The following HMCN2 variants were observed in gnomAD, a reference collection of about 807,000 sequenced individuals.
HMCN2 encodes hemicentin-2.
Under a neutral mutation model 377.5 loss-of-function variants are expected in HMCN2, and 325 were observed. The ratio of observed to expected loss-of-function variants is 0.86; its 90% CI spans 0.79 to 0.94. The LOEUF (loss-of-function observed/expected upper bound fraction) is 0.94, where lower values mean the gene tolerates loss of function less well. Among genes scored for constraint, HMCN2 ranks in the 40% least tolerant of loss-of-function variants. HMCN2 has a pLI of 0.00. For missense variants in HMCN2, 4,543 were observed against 4,725.3 expected (o/e 0.96, Z 1.13); for synonymous variants, 2,007 against 2,046.8 (o/e 0.98, Z 0.53).
intron 1 of HMCN2, among the ~76,000 whole-genome samples, chr9:130,266,623 G>A (rs1385856528): frequency 2.0e-5 from 3 of 152,200 alleles, no homozygotes; most frequent in Non-Finnish European, 4.4e-5. Flanking sequence ...GACGAAATGG[G>A]GTCCACCACG....
At chr9:130,365,122 A>T (rs1213739525) in intron 41 of HMCN2, among the ~76,000 whole-genome samples, 1 of 151,978 alleles carries the variant, frequency 6.6e-6, no homozygotes, top group Non-Finnish European at 1.5e-5. Context: ...CCACCCCCCT[A>T]CACCTTGTGA....
At chr9:130,279,389 A>G (rs1554924824) in intron 1 of HMCN2, among the ~76,000 whole-genome samples, 2 of 151,078 alleles carry the variant, frequency 1.3e-5, no homozygotes, top group Admixed American at 6.6e-5. Context: ...GTCTCGCTCT[A>G]TCACCCAGGC....
At position 130,424,841 on chromosome 9, in the gene HMCN2, G is replaced by C; in HGVS notation, c.13447G>C (p.Gly4483Arg). 1 of 1,505,570 alleles carries C rather than the reference G, an allele frequency of 6.6e-7. No individual in the cohort carries two copies. Among genetic ancestry groups the C allele is most frequent in the Non-Finnish European group, 8.9e-7 (1 of 1,122,082 alleles). 93.3% of individuals were successfully genotyped at this position (1,505,570 alleles called of 1,614,324 possible). ...CTACTGGGCCCTGGCCAGAGAGAGT[G>C]GGGAAGCCCTGAATGGCCACTCTCT... ...PIYWALARES[G>R]EALNGHSLTG... The change falls in exon 88 of 98, where the codon GGG becomes CGG. Residue 4483 changes from glycine to arginine, a missense_variant. By Grantham distance (125) the Gly-to-Arg change is moderately radical. This residue lies in a region of HMCN2 where 1,155 missense variants were observed against 1,157.7 expected (regional missense o/e 1.00). Coordinates refer to ENST00000683500, the MANE Select transcript of HMCN2 (RefSeq NM_001291815.2).
Position 130,382,831 on chromosome 9 carries a change from C to A in HMCN2, c.8698C>A (p.Arg2900=). ...QNGLPFSPSP[R]LQVLEDGQVL... is the part of the protein sequence containing the mutation. ...TGGGCTGCCTTTCTCCCCGAGCCCACGGCTGCAGGTCCTGGAGGACGGGCA... is the reference window on the plus strand; with the variant it reads ...TGGGCTGCCTTTCTCCCCGAGCCCAAGGCTGCAGGTCCTGGAGGACGGGCA... Residue 2900 remains arginine, a synonymous_variant, in exon 56 of 98, where the codon CGG becomes AGG. Coordinates refer to ENST00000683500, the MANE Select transcript of HMCN2 (RefSeq NM_001291815.2). 1 of 985,904 alleles carries A rather than the reference C, an allele frequency of 1.0e-6. No homozygotes were observed. Among genetic ancestry groups the A allele is most frequent in the Middle Eastern group, 5.2e-4 (1 of 1,914 alleles). The allele number at this position is 985,904 out of a possible 1,614,324, so 61.1% of individuals were successfully genotyped here. A position where few individuals can be genotyped will look rare whatever the true frequency, so the allele number is the denominator to read the frequency against.
intron 40 of HMCN2, among the ~76,000 whole-genome samples, chr9:130,364,055 A>G (rs1212338378): frequency 6.6e-6 from 1 of 152,264 alleles, no homozygotes; most frequent in African/African-American, 2.4e-5. Flanking sequence ...GGGAGGTTAT[A>G]GGAAGGATTC....
intron 15 of HMCN2, among the ~76,000 whole-genome samples, chr9:130,313,853 C>T (rs1483110698): frequency 2.8e-5 from 4 of 143,198 alleles, no homozygotes; most frequent in Non-Finnish European, 4.5e-5. Context: ...GATCTTGGCT[C>T]ACTGTAACCT....
At chr9:130,340,333 AG>A (rs1838979481) in intron 23 of HMCN2, among the ~76,000 whole-genome samples, 3 of 152,012 alleles carry the variant, frequency 2.0e-5, no homozygotes, top group South Asian at 4.2e-4. Context: ...GCAGGGCGGG[AG>A]GGGTTGTGAT....
At chr9:130,375,534 A>C (rs1361078109) in intron 49 of HMCN2, 29 bp from the exon 50 acceptor site, 11 of 985,246 alleles carry the variant, frequency 1.1e-5, no homozygotes, top group Non-Finnish European at 1.3e-5. Flanking sequence ...ATCTCTGCTC[A>C]TAACTGCCTC....
rs898117546 is a variant in HMCN2, at chr9:130,278,074, A to G, written c.260-6529A>G. 1.1e-4 allele frequency among the ~76,000 whole-genome samples: 16 copies of G among 151,806 alleles called. 6 individuals carry two copies. Among genetic ancestry groups the G allele is most frequent in the Non-Finnish European group, 1.5e-4 (10 of 67,966 alleles). ...CATTACCACCACCACCACCACCATCATCATCATCACCACCACCACTATCAT... is the reference window on the plus strand; with the variant it reads ...CATTACCACCACCACCACCACCATCGTCATCATCACCACCACCACTATCAT... On this transcript the variant is annotated intron_variant, in intron 1 of 97. Transcript: ENST00000683500.
chr9:130,358,039 G>A, intron 35 of HMCN2, 51 bp downstream of exon 35: 4 of 1,270,408 alleles, frequency 3.1e-6, no homozygotes, highest in Non-Finnish European at 4.1e-6. Flanking sequence ...CAGGTGGAGG[G>A]GCTGCTCTGG....
intron 23 of HMCN2, among the ~76,000 whole-genome samples, chr9:130,339,699 G>A (rs1024176090): frequency 1.1e-4 from 16 of 152,194 alleles, no homozygotes; most frequent in Non-Finnish European, 1.8e-4. Context: ...TGTTTTCAGC[G>A]GTTGTGTGTG....
chr9:130,430,454 C>T lies in HMCN2; in HGVS notation c.14497C>T (p.Pro4833Ser). The change falls in exon 95 of 98, where the codon CCT becomes TCT. Residue 4833 changes from proline (P) to serine (S), a missense_variant. Pro to Ser is a moderately conservative substitution (Grantham distance 74). Transcript: ENST00000683500. The stretch of plus-strand genomic sequence containing the variant: ...TGTGACCACCGTCAGCCACCGAGGC[C>T]CTCTATTGCCCTGGCTGCGGCCCTG... ...QNVTTVSHRGPLLPWLRPWAS... is the reference protein window; with the variant it reads ...QNVTTVSHRGSLLPWLRPWAS... 3 of 1,550,608 alleles carry T rather than the reference C, an allele frequency of 1.9e-6. No homozygotes were observed. Among genetic ancestry groups the T allele is most frequent in the Non-Finnish European group, 2.6e-6 (3 of 1,146,978 alleles).
intron 8 of HMCN2, among the ~76,000 whole-genome samples, chr9:130,300,708 G>A (rs1057437306): frequency 6.6e-6 from 1 of 152,260 alleles, no homozygotes; most frequent in African/African-American, 2.4e-5. Context: ...GCAGGAACAG[G>A]TCACTTTGTC....
intron 75 of HMCN2, 104 bp downstream of exon 75, chr9:130,398,811 T>G: frequency 9.7e-7 from 1 of 1,029,790 alleles, no homozygotes; most frequent in Non-Finnish European, 1.3e-6. Flanking sequence ...TGTGCTCAGG[T>G]CTCACCGGAG....
At position 130,270,716 on chromosome 9, in the gene HMCN2, G is replaced by A. The variant is rs555401829; in HGVS notation, c.259+4579G>A. ...GTTAATAACATCAGCCTTCTGAGTA[G>A]CTGGGACTACAGGTGCACACCACCA... On this transcript the variant is annotated intron_variant, in intron 1 of 97. Coordinates refer to ENST00000683500, the MANE Select transcript of HMCN2 (RefSeq NM_001291815.2). Among the ~76,000 whole-genome samples the A allele has an allele frequency of 1.5e-4, 22 of 149,018 alleles. No homozygotes were observed. The East Asian group carries it at 3.5e-3, about 24-fold the overall frequency.
chr9:130,373,691 A>AGGTAGATG (rs1564828228), intron 48 of HMCN2, among the ~76,000 whole-genome samples: 1 of 54,096 alleles, frequency 1.8e-5, no homozygotes, highest in East Asian at 8.4e-4. Context: ...ATGGATGGAT[A>AGGTAGATG]GATGGATGGA....
chr9:130,270,061 T>G (rs1554920558), intron 1 of HMCN2, among the ~76,000 whole-genome samples: 1 of 148,298 alleles, frequency 6.7e-6, no homozygotes, highest in African/African-American at 2.4e-5. Context: ...TCCACTCACC[T>G]CAGCCTCCCA....
At chr9:130,345,128 T>A (rs1306181118) in intron 25 of HMCN2, among the ~76,000 whole-genome samples, 3 of 150,824 alleles carry the variant, frequency 2.0e-5, no homozygotes, top group Non-Finnish European at 4.4e-5. Flanking sequence ...GTGTGGTGTG[T>A]GGTGTGTGCA....
Position 130,364,718 on chromosome 9 carries a change from C to T in HMCN2, c.6237C>T (p.Pro2079=). Residue 2079 remains proline, a synonymous_variant, in exon 41 of 98, where the codon CCC becomes CCT. Coordinates refer to ENST00000683500, the MANE Select transcript of HMCN2 (RefSeq NM_001291815.2). ...RQDVVLQVHM[P]PSILGEELNV... ...TTCTCCTGCCCCCTCCTGCAGTGCC[C>T]CCGAGTATCCTTGGAGAAGAGCTGA... 3 of 986,194 alleles carry T rather than the reference C, an allele frequency of 3.0e-6. No homozygotes were observed. The highest frequency in any genetic ancestry group is 3.6e-6 in the Non-Finnish European group (3 of 830,184). 61.1% of individuals were successfully genotyped at this position (986,194 alleles called of 1,614,324 possible). A position where few individuals can be genotyped will look rare whatever the true frequency, so the allele number is the denominator to read the frequency against.
Sources: allele counts gnomAD v4.1 joint callset (sites outside exome capture counted in the v4.1 genomes callset), GRCh38; gene constraint gnomAD v4.1.1; regional missense constraint gnomAD v4.1.1; transcripts MANE v1.5; gene names NCBI Gene and HGNC (gene_info 2026-07-23, HGNC 2026-07-21).